Variants in CLYBL observed in about 807,000 individuals in gnomAD.
CLYBL encodes the protein citramalyl-CoA lyase, mitochondrial.
CLYBL carries 31 observed loss-of-function variants against 38.9 expected under a neutral mutation model. The ratio of observed to expected loss-of-function variants is 0.80; its 90% CI spans 0.60 to 1.08. CLYBL has a LOEUF of 1.08. Ranked by LOEUF, CLYBL falls within the 50% of genes least tolerant of loss-of-function variation. The pLI is 0.00. For synonymous variants in CLYBL, 171 were observed against 158.6 expected (o/e 1.08, Z -0.59); for missense variants, 434 against 411.6 (o/e 1.05, Z -0.47).
At chr13:99,670,105 A>G (rs1029318852) in intron 1 of CLYBL, among the ~76,000 whole-genome samples, 5 of 151,838 alleles carry the variant, frequency 3.3e-5, no homozygotes, top group Non-Finnish European at 7.4e-5. Context: ...AGGCTGAGGT[A>G]TGAGAATTGC....
intron 2 of CLYBL, among the ~76,000 whole-genome samples, chr13:99,839,140 C>T (rs1306014508): frequency 6.6e-6 from 1 of 152,222 alleles, no homozygotes; most frequent in Non-Finnish European, 1.5e-5. Context: ...AATGCACTTA[C>T]AGGTGGGGCA....
At chr13:99,889,413 C>T (rs999557462) in intron 7 of CLYBL, among the ~76,000 whole-genome samples, 2 of 152,160 alleles carry the variant, frequency 1.3e-5, no homozygotes, top group Non-Finnish European at 2.9e-5. Context: ...TTCCACGTAA[C>T]GCCAACCTAC....
chr13:99,667,348 C>T (rs941653266), intron 1 of CLYBL, among the ~76,000 whole-genome samples: 4 of 151,758 alleles, frequency 2.6e-5, no homozygotes, highest in African/African-American at 9.7e-5. Context: ...AAGCTTGCAA[C>T]AGCCACGGTT....
chr13:99,862,154 T>C (rs2051618484), intron 3 of CLYBL, among the ~76,000 whole-genome samples: 1 of 152,236 alleles, frequency 6.6e-6, no homozygotes, highest in Non-Finnish European at 1.5e-5. Context: ...GAATATTCCT[T>C]AAATTTAAAA....
chr13:99,695,481 C>T (rs1160099264), intron 1 of CLYBL, among the ~76,000 whole-genome samples: 1 of 151,996 alleles, frequency 6.6e-6, no homozygotes, highest in Non-Finnish European at 1.5e-5. Flanking sequence ...ACTTAGCAAG[C>T]CCGTTCAGAT....
intron 2 of CLYBL, among the ~76,000 whole-genome samples, chr13:99,792,821 T>C (rs950566756): frequency 7.9e-5 from 12 of 152,104 alleles, no homozygotes. Flanking sequence ...GGGGAGGCAC[T>C]CCATTTGTCA....
At chr13:99,871,337 G>T (rs921340245) in intron 7 of CLYBL, among the ~76,000 whole-genome samples, 3 of 152,066 alleles carry the variant, frequency 2.0e-5, no homozygotes, top group African/African-American at 7.2e-5. Flanking sequence ...AGTCTGTTTA[G>T]TTTTTCTCTA....
At chr13:99,758,601 C>G (rs544049068) in intron 1 of CLYBL, among the ~76,000 whole-genome samples, 115 of 152,264 alleles carry the variant, frequency 7.6e-4, no homozygotes, top group African/African-American at 2.7e-3. Context: ...AGAGGACTCA[C>G]CAGCAGGAAG....
chr13:99,797,612 G>C (rs2050050177), intron 2 of CLYBL, among the ~76,000 whole-genome samples: 1 of 109,448 alleles, frequency 9.1e-6, no homozygotes, highest in South Asian at 3.0e-4. Context: ...CTCCACAGCT[G>C]AGCTCTTGGA....
intron 2 of CLYBL, among the ~76,000 whole-genome samples, chr13:99,795,129 G>A (rs1397324466): frequency 1.3e-5 from 2 of 152,154 alleles, no homozygotes; most frequent in Non-Finnish European, 2.9e-5. Context: ...AGGAGCAAAT[G>A]TCAAGTCAGG....
intron 7 of CLYBL, among the ~76,000 whole-genome samples, chr13:99,889,169 A>G (rs2052425618): frequency 6.6e-6 from 1 of 152,234 alleles, no homozygotes; most frequent in Non-Finnish European, 1.5e-5. Context: ...AACATGGCAC[A>G]GACTCACAGC....
At chr13:99,858,638 G>A (rs926058810) in intron 2 of CLYBL, among the ~76,000 whole-genome samples, 4 of 152,316 alleles carry the variant, frequency 2.6e-5, no homozygotes, top group Non-Finnish European at 5.9e-5. Flanking sequence ...ACTGCGGTGC[G>A]TCTCGGCTAT....
At chr13:99,868,068 G>C (rs924193694) in intron 6 of CLYBL, among the ~76,000 whole-genome samples, 1 of 151,930 alleles carries the variant, frequency 6.6e-6, no homozygotes, top group African/African-American at 2.4e-5. Flanking sequence ...GTTTCTCCAC[G>C]ACGGGGAGTA....
At chr13:99,818,472 C>T (rs2050506034) in intron 2 of CLYBL, among the ~76,000 whole-genome samples, 1 of 151,872 alleles carries the variant, frequency 6.6e-6, no homozygotes, top group East Asian at 1.9e-4. Context: ...CACACACACA[C>T]ACACACACAC....
intron 1 of CLYBL, among the ~76,000 whole-genome samples, chr13:99,651,193 T>G (rs895750904): frequency 6.6e-6 from 1 of 152,258 alleles, no homozygotes; most frequent in Non-Finnish European, 1.5e-5. Context: ...GTCTCCCATG[T>G]TAGATCCAAC....
At chr13:99,617,239 C>T (rs912709403) in intron 1 of CLYBL, among the ~76,000 whole-genome samples, 39 of 152,078 alleles carry the variant, frequency 2.6e-4, no homozygotes, top group Non-Finnish European at 2.1e-4. Flanking sequence ...CTTAGTTTAG[C>T]GGAAGACTGT....
intron 2 of CLYBL, among the ~76,000 whole-genome samples, chr13:99,790,104 A>G (rs1248181312): frequency 6.6e-6 from 1 of 151,810 alleles, no homozygotes; most frequent in Non-Finnish European, 1.5e-5. Context: ...TGCATGTGAG[A>G]TGGGTCTCCT....
chr13:99,833,807 A>T (rs2050874648), intron 2 of CLYBL, among the ~76,000 whole-genome samples: 1 of 145,310 alleles, frequency 6.9e-6, no homozygotes, highest in Non-Finnish European at 1.5e-5. Flanking sequence ...GGTTCAAGTG[A>T]GTCTCCTTCC....
At chr13:99,708,886 A>G (rs2048185087) in intron 1 of CLYBL, among the ~76,000 whole-genome samples, 1 of 152,188 alleles carries the variant, frequency 6.6e-6, no homozygotes. Flanking sequence ...TGAGGGCAGG[A>G]GTTCGAGATC....
Sources: gnomAD v4.1 joint callset for allele counts (sites outside exome capture counted in the v4.1 genomes callset) on GRCh38, gnomAD v4.1.1 for gene constraint, MANE v1.5 for transcripts, NCBI Gene and HGNC (gene_info 2026-07-23, HGNC 2026-07-21) for gene names.